The following NXPE4 variants were observed in gnomAD, a reference collection of about 807,000 sequenced individuals.
NXPE4 encodes the protein neurexophilin and PC-esterase domain family member 4, also known as NXPE family member 4.
A neutral mutation model predicts 33.3 loss-of-function variants in NXPE4; 42 were observed. The ratio of observed to expected loss-of-function variants is 1.26; its 90% CI spans 0.98 to 1.63. The LOEUF (loss-of-function observed/expected upper bound fraction) is 1.63, where lower values mean the gene tolerates loss of function less well. Ranked by LOEUF, NXPE4 falls within the 40% of genes most tolerant of loss-of-function variation. NXPE4 has a pLI of 0.00. For synonymous variants in NXPE4, 253 were observed against 234.9 expected (o/e 1.08, Z -0.71); for missense variants, 709 against 647.6 (o/e 1.09, Z -1.03).
At chr11:114,633,261 A>G in the NXPE4 span, among the ~76,000 whole-genome samples, 1 of 135,130 alleles carries the variant, frequency 7.4e-6, no homozygotes, top group Admixed American at 7.9e-5. Flanking sequence ...ATATATAAGA[A>G]TGTTATATAG....
At chr11:114,582,263 A>T (rs201191135) in intron 3 of NXPE4, 25 bp downstream of exon 3, 71 of 1,533,878 alleles carry the variant, frequency 4.6e-5, no homozygotes, top group Admixed American at 6.3e-5. Context: ...TTGCACAGGT[A>T]GTCTCAAGAA....
chr11:114,643,266 TC>T, the NXPE4 span, among the ~76,000 whole-genome samples: 1 of 152,132 alleles, frequency 6.6e-6, no homozygotes, highest in Admixed American at 6.6e-5. Context: ...TTTAATTAGA[TC>T]CCATTTGTCA....
chr11:114,601,676 A>T, the NXPE4 span, among the ~76,000 whole-genome samples: 1 of 21,988 alleles, frequency 4.5e-5, no homozygotes, highest in Non-Finnish European at 7.1e-5. Context: ...ATATATTATA[A>T]TTATAGATTA....
At chr11:114,660,579 G>A in the NXPE4 span, among the ~76,000 whole-genome samples, 21,246 of 151,838 alleles carry the variant, frequency 0.14, 1,905 homozygotes, top group South Asian at 0.2. Flanking sequence ...ATAATGAAAA[G>A]TTATGGTAAA....
the NXPE4 span, among the ~76,000 whole-genome samples, chr11:114,615,738 C>T: frequency 1.4e-4 from 21 of 151,484 alleles, no homozygotes; most frequent in Non-Finnish European, 1.8e-4. Context: ...CACGGGTAAC[C>T]GCTGTTACTC....
chr11:114,653,142 T>C, the NXPE4 span, among the ~76,000 whole-genome samples: 2 of 152,218 alleles, frequency 1.3e-5, no homozygotes, highest in African/African-American at 4.8e-5. Flanking sequence ...TACTGACTTG[T>C]TTTATAAGTT....
At chr11:114,627,742 A>C in the NXPE4 span, among the ~76,000 whole-genome samples, 1 of 152,192 alleles carries the variant, frequency 6.6e-6, no homozygotes, top group Non-Finnish European at 1.5e-5. Flanking sequence ...TTAAAGAGTC[A>C]AGACCCATCA....
the NXPE4 span, among the ~76,000 whole-genome samples, chr11:114,652,587 C>T: frequency 5.3e-5 from 8 of 152,136 alleles, no homozygotes; most frequent in South Asian, 2.1e-4. Context: ...GAGTGTTGCT[C>T]GACATATGTT....
chr11:114,657,373 A>G, the NXPE4 span, among the ~76,000 whole-genome samples: 1 of 152,314 alleles, frequency 6.6e-6, no homozygotes, highest in South Asian at 2.1e-4. Context: ...ACTAACATCT[A>G]ACTGAAGTTC....
upstream of NXPE4, among the ~76,000 whole-genome samples, chr11:114,600,750 G>T (rs1949628618): frequency 6.6e-6 from 1 of 151,970 alleles, no homozygotes; most frequent in Non-Finnish European, 1.5e-5. Flanking sequence ...AGTTACTAGT[G>T]TACCAATGTT....
In NXPE4 at chr11:114,570,816, A is replaced by G. The variant is rs1948867817; in HGVS notation, c.*122T>C. On this transcript the variant is annotated 3_prime_UTR_variant, in exon 6 of 6. Coordinates refer to ENST00000375478, the MANE Select transcript of NXPE4 (RefSeq NM_001077639.2). ...TGAATTGGTGGCTTATGGATCAGCC[A>G]TAATGTAGATTCTCTGCTCTTGCTA... 1.5e-6 allele frequency: 1 copy of G among 647,652 alleles called. No individual in the cohort carries two copies. Among genetic ancestry groups the G allele is most frequent in the Non-Finnish European group, 2.6e-6 (1 of 378,280 alleles). 40.1% of individuals were successfully genotyped at this position (647,652 alleles called of 1,614,324 possible). A position where few individuals can be genotyped will look rare whatever the true frequency, so the allele number is the denominator to read the frequency against.
At chr11:114,623,271 G>A in the NXPE4 span, among the ~76,000 whole-genome samples, 8 of 152,014 alleles carry the variant, frequency 5.3e-5, no homozygotes, top group South Asian at 1.2e-3. Flanking sequence ...ATATTGCCTC[G>A]TGGGTGACAA....
chr11:114,651,259 GA>G, the NXPE4 span, among the ~76,000 whole-genome samples: 1 of 152,006 alleles, frequency 6.6e-6, no homozygotes, highest in Non-Finnish European at 1.5e-5. Context: ...GATGTGTCCG[GA>G]GTTTCTTCCT....
At chr11:114,632,230 T>C in the NXPE4 span, among the ~76,000 whole-genome samples, 14 of 140,666 alleles carry the variant, frequency 1.0e-4, no homozygotes, top group Non-Finnish European at 2.1e-4. Context: ...TATATATGTA[T>C]AATATATATG....
chr11:114,660,982 A>G, the NXPE4 span, among the ~76,000 whole-genome samples: 1 of 152,154 alleles, frequency 6.6e-6, no homozygotes. Flanking sequence ...ATCAGTTTAA[A>G]ATTAAAATTA....
chr11:114,602,586 T>C, the NXPE4 span, among the ~76,000 whole-genome samples: 1 of 140,468 alleles, frequency 7.1e-6, no homozygotes, highest in Admixed American at 7.5e-5. Flanking sequence ...ATCTCATATA[T>C]AAATTACAGA....
chr11:114,597,542 A>G (rs1244120974), upstream of NXPE4, among the ~76,000 whole-genome samples: 1 of 152,198 alleles, frequency 6.6e-6, no homozygotes, highest in Non-Finnish European at 1.5e-5. Flanking sequence ...GGGTTCATGC[A>G]CACAGATGTA....
intron 2 of NXPE4, among the ~76,000 whole-genome samples, chr11:114,586,095 A>G (rs1364954431): frequency 6.6e-6 from 1 of 152,160 alleles, no homozygotes; most frequent in Non-Finnish European, 1.5e-5. Flanking sequence ...GGGGTGACCA[A>G]TCTTTTTTGC....
the NXPE4 span, among the ~76,000 whole-genome samples, chr11:114,634,880 T>C: frequency 6.6e-6 from 1 of 152,046 alleles, no homozygotes; most frequent in Non-Finnish European, 1.5e-5. Flanking sequence ...TGTAGTATAG[T>C]TTGAAGTCAG....
Sources: allele counts gnomAD v4.1 joint callset (sites outside exome capture counted in the v4.1 genomes callset), GRCh38; gene constraint gnomAD v4.1.1; transcripts MANE v1.5; gene names NCBI Gene and HGNC (gene_info 2026-07-23, HGNC 2026-07-21).